KHDRBS2: variants seen among roughly 807,000 people sequenced by gnomAD.
KHDRBS2 encodes the protein KH domain-containing, RNA-binding, signal transduction-associated protein 2.
A neutral mutation model predicts 44.3 loss-of-function variants in KHDRBS2; 26 were observed. The ratio of observed to expected loss-of-function variants is 0.59; its 90% CI spans 0.43 to 0.81. The LOEUF (loss-of-function observed/expected upper bound fraction) is 0.81. Ranked by LOEUF, KHDRBS2 falls within the 40% of genes least tolerant of loss-of-function variation. KHDRBS2 has a pLI of 0.00. For synonymous variants in KHDRBS2, 194 were observed against 151.1 expected (o/e 1.28, Z -2.08); for missense variants, 476 against 433.1 (o/e 1.10, Z -0.88).
intron 4 of KHDRBS2, among the ~76,000 whole-genome samples, chr6:61,923,240 C>T (rs1460221001): frequency 1.3e-5 from 2 of 151,824 alleles, no homozygotes; most frequent in African/African-American, 4.8e-5. Context: ...ATAAGAATTA[C>T]TAAAAAAATT....
At chr6:61,649,304 T>C in the KHDRBS2 span, among the ~76,000 whole-genome samples, 11 of 152,158 alleles carry the variant, frequency 7.2e-5, no homozygotes, top group African/African-American at 2.7e-4. Flanking sequence ...GGGTGAAGTT[T>C]TGTGGGATAT....
the KHDRBS2 span, among the ~76,000 whole-genome samples, chr6:61,657,240 T>C: frequency 3.9e-5 from 6 of 151,998 alleles, no homozygotes; most frequent in South Asian, 2.1e-4. Flanking sequence ...CAGCTAAGCA[T>C]TGTAAGATGC....
chr6:61,666,990 G>GTT, the KHDRBS2 span, among the ~76,000 whole-genome samples: 34 of 74,300 alleles, frequency 4.6e-4, no homozygotes, highest in East Asian at 7.9e-3. Context: ...AAACCTTCTG[G>GTT]GTTTTTTTTT....
At chr6:62,167,246 A>C (rs2150116169) in intron 2 of KHDRBS2, among the ~76,000 whole-genome samples, 1 of 152,282 alleles carries the variant, frequency 6.6e-6, no homozygotes, top group South Asian at 2.1e-4. Flanking sequence ...AGAGACTGGT[A>C]TGATTTCAGG....
chr6:61,649,045 C>G, the KHDRBS2 span, among the ~76,000 whole-genome samples: 1 of 151,982 alleles, frequency 6.6e-6, no homozygotes, highest in African/African-American at 2.4e-5. Context: ...GTAGCTTTAC[C>G]GGGGGCTGCT....
At chr6:62,070,540 C>A (rs555211984) in intron 2 of KHDRBS2, among the ~76,000 whole-genome samples, 1 of 151,948 alleles carries the variant, frequency 6.6e-6, no homozygotes, top group Admixed American at 6.6e-5. Flanking sequence ...CTTACTGTGT[C>A]CATGTGTTCT....
At chr6:61,852,782 T>G (rs1484467522) in intron 6 of KHDRBS2, among the ~76,000 whole-genome samples, 1 of 152,288 alleles carries the variant, frequency 6.6e-6, no homozygotes, top group South Asian at 2.1e-4. Flanking sequence ...CTTAAATAAT[T>G]TATTAAAATA....
chr6:61,556,150 C>T, the KHDRBS2 span, among the ~76,000 whole-genome samples: 27 of 152,230 alleles, frequency 1.8e-4, no homozygotes, highest in East Asian at 9.7e-4. Flanking sequence ...GGGGTCCATG[C>T]GCATTCACTC....
At chr6:61,855,437 G>T (rs1017127513) in intron 6 of KHDRBS2, among the ~76,000 whole-genome samples, 1 of 151,358 alleles carries the variant, frequency 6.6e-6, no homozygotes, top group Non-Finnish European at 1.5e-5. Flanking sequence ...GATAATAATA[G>T]GTGCCTCCTA....
chr6:62,278,926 C>G (rs890714707), intron 1 of KHDRBS2, among the ~76,000 whole-genome samples: 1 of 151,886 alleles, frequency 6.6e-6, no homozygotes, highest in Non-Finnish European at 1.5e-5. Flanking sequence ...AACCCCGTCT[C>G]TACTAAAAAT....
chr6:61,878,367 C>G (rs1229542048), intron 6 of KHDRBS2, among the ~76,000 whole-genome samples: 1 of 152,022 alleles, frequency 6.6e-6, no homozygotes, highest in Non-Finnish European at 1.5e-5. Flanking sequence ...GCTTTTTCTC[C>G]CAACAAGACT....
chr6:61,943,857 G>C (rs1812646569), intron 4 of KHDRBS2, among the ~76,000 whole-genome samples: 1 of 152,074 alleles, frequency 6.6e-6, no homozygotes, highest in Non-Finnish European at 1.5e-5. Flanking sequence ...GACAAGCATA[G>C]GTATTTCTCA....
intron 6 of KHDRBS2, among the ~76,000 whole-genome samples, chr6:61,734,586 A>C (rs1775025965): frequency 6.6e-6 from 1 of 152,022 alleles, no homozygotes; most frequent in African/African-American, 2.4e-5. Context: ...TTCCCAATAT[A>C]GTTTCATCAT....
At chr6:61,817,924 T>C (rs1005817) in intron 6 of KHDRBS2, among the ~76,000 whole-genome samples, 10,573 of 152,080 alleles carry the variant, frequency 0.07, 734 homozygotes, top group African/African-American at 0.17. Flanking sequence ...AGAGTGTTGA[T>C]ATGCCTAAGG....
rs202244774 is a variant in KHDRBS2 at position 61,945,148 on chromosome 6, T to C, written c.483+32918A>G. Among the ~76,000 whole-genome samples, 341 of 71,418 alleles carry C rather than the reference T, an allele frequency of 4.8e-3. 32 individuals are homozygous for C. The highest frequency in any genetic ancestry group is 0.022 in the Middle Eastern group (3 of 134). 46.9% of individuals were successfully genotyped at this position (71,418 alleles called of 152,430 possible). ...ATATATATATATATATATATATATATATACACACAGACTTGTCTTGATAAA... is the reference window on the plus strand; with the variant it reads ...ATATATATATATATATATATATATACATACACACAGACTTGTCTTGATAAA... On this transcript the variant is annotated intron_variant, in intron 4 of 8. Coordinates refer to ENST00000281156, the MANE Select transcript of KHDRBS2 (RefSeq NM_152688.4).
chr6:61,753,758 AT>A (rs749838980), intron 6 of KHDRBS2, among the ~76,000 whole-genome samples: 3 of 152,270 alleles, frequency 2.0e-5, no homozygotes, highest in East Asian at 1.9e-4. Context: ...ATGAATGGTT[AT>A]GTCCACATCC....
chr6:62,048,980 C>G (rs1239124400), intron 2 of KHDRBS2, among the ~76,000 whole-genome samples: 1 of 151,372 alleles, frequency 6.6e-6, no homozygotes, highest in Non-Finnish European at 1.5e-5. Flanking sequence ...CCCTTCTCTT[C>G]TCTTCTCTTC....
intron 7 of KHDRBS2, among the ~76,000 whole-genome samples, chr6:61,697,929 T>A (rs1206159417): frequency 6.6e-6 from 1 of 152,148 alleles, no homozygotes; most frequent in Non-Finnish European, 1.5e-5. Flanking sequence ...AAGTCTTACG[T>A]GTTTCTTATC....
the KHDRBS2 span, among the ~76,000 whole-genome samples, chr6:61,622,521 T>C: frequency 2.0e-5 from 3 of 152,212 alleles, no homozygotes; most frequent in African/African-American, 7.2e-5. Context: ...AATGTAAGTC[T>C]GAATATGCAA....
Sources: allele counts gnomAD v4.1 joint callset (sites outside exome capture counted in the v4.1 genomes callset), GRCh38; gene constraint gnomAD v4.1.1; transcripts MANE v1.5; gene names NCBI Gene and HGNC (gene_info 2026-07-23, HGNC 2026-07-21).